The following SDK1 variants were observed in gnomAD, a reference collection of about 807,000 sequenced individuals.
The protein encoded by SDK1 is protein sidekick-1.
In SDK1, 157 loss-of-function variants were observed where a neutral mutation model predicts 245.5. The ratio of observed to expected loss-of-function variants is 0.64; its 90% CI spans 0.56 to 0.73. The LOEUF (loss-of-function observed/expected upper bound fraction) is 0.73. Among genes scored for constraint, SDK1 ranks in the 30% least tolerant of loss-of-function variants. SDK1 has a pLI of 0.00. For synonymous variants in SDK1, 1,647 were observed against 1,278.5 expected (o/e 1.29, Z -6.15); for missense variants, 3,583 against 3,002.3 (o/e 1.19, Z -4.52).
At chr7:3,586,734 C>T (rs922493934) in intron 1 of SDK1, among the ~76,000 whole-genome samples, 5 of 150,456 alleles carry the variant, frequency 3.3e-5, no homozygotes, top group Non-Finnish European at 7.4e-5. Flanking sequence ...AAATAGAGGA[C>T]AGAAGCAATT....
Position 4,137,017 on chromosome 7 carries a change from G to A in SDK1, c.4228+4594G>A, listed in dbSNP as rs548655723. On this transcript the variant is annotated intron_variant, in intron 28 of 44. Coordinates refer to ENST00000404826, the MANE Select transcript of SDK1 (RefSeq NM_152744.4). The stretch of plus-strand genomic sequence containing the variant: ...AACAGCAGCTGCAGAGAGATCGGCA[G>A]CACGTGCCCCAGATGGTCGTGCTTT... Among the ~76,000 whole-genome samples, 12 of 152,354 alleles carry A rather than the reference G, an allele frequency of 7.9e-5. No homozygotes were observed. The East Asian group carries it at 2.1e-3, about 27-fold the overall frequency.
intron 1 of SDK1, among the ~76,000 whole-genome samples, chr7:3,416,147 G>C (rs80158101): frequency 1.6e-3 from 248 of 152,266 alleles, no homozygotes; most frequent in Middle Eastern, 6.8e-3. Context: ...TCATTGTCAA[G>C]GTAATGATTA....
chr7:3,647,878 GA>G (rs1205274001), intron 4 of SDK1, among the ~76,000 whole-genome samples: 2 of 151,922 alleles, frequency 1.3e-5, no homozygotes, highest in African/African-American at 2.4e-5. Flanking sequence ...AGCAGAAGGG[GA>G]AAAAAAATGA....
In SDK1 at chr7:3,471,367, T is replaced by C. The variant is rs1220126159; in HGVS notation, c.299-147713T>C. Reference sequence around the variant, plus strand: ...TTGTCAGTAAGTGGTATTAGGAATCTAGATTATTTTTATTAGAACTTATTT... The same window carrying C: ...TTGTCAGTAAGTGGTATTAGGAATCCAGATTATTTTTATTAGAACTTATTT... On this transcript the variant is annotated intron_variant, in intron 1 of 44. Coordinates refer to ENST00000404826, the MANE Select transcript of SDK1 (RefSeq NM_152744.4). Among the ~76,000 whole-genome samples, 3 of 152,284 alleles carry C rather than the reference T, an allele frequency of 2.0e-5. No homozygotes were observed. The East Asian group carries it at 5.8e-4, about 29-fold the overall frequency.
chr7:3,465,571 T>C (rs77149145), intron 1 of SDK1, among the ~76,000 whole-genome samples: 1 of 152,164 alleles, frequency 6.6e-6, no homozygotes, highest in Non-Finnish European at 1.5e-5. Context: ...TAGGTTCATA[T>C]ACTGTTGGGT....
intron 22 of SDK1, among the ~76,000 whole-genome samples, chr7:4,088,646 G>C (rs541512290): frequency 1.3e-5 from 2 of 151,774 alleles, no homozygotes; most frequent in Non-Finnish European, 2.9e-5. Context: ...GATTTCATCT[G>C]TTGGTAAGGT....
intron 22 of SDK1, among the ~76,000 whole-genome samples, chr7:4,090,963 G>C (rs1020064043): frequency 1.5e-4 from 23 of 152,046 alleles, no homozygotes; most frequent in African/African-American, 5.3e-4. Context: ...TTTTTTTGCT[G>C]AATTCCACTC....
At chr7:4,164,851 T>A (rs1781398906) in intron 32 of SDK1, among the ~76,000 whole-genome samples, 1 of 152,170 alleles carries the variant, frequency 6.6e-6, no homozygotes, top group African/African-American at 2.4e-5. Flanking sequence ...ACAAACTAAT[T>A]GCAAGAAGAC....
chr7:4,188,355 G>C (rs1338773321), intron 35 of SDK1, among the ~76,000 whole-genome samples: 2 of 152,108 alleles, frequency 1.3e-5, no homozygotes, highest in African/African-American at 4.8e-5. Context: ...TTTTGTTTAG[G>C]TTTGCAGAAC....
At chr7:3,431,363 T>G (rs1174856666) in intron 1 of SDK1, among the ~76,000 whole-genome samples, 1 of 149,814 alleles carries the variant, frequency 6.7e-6, no homozygotes, top group Admixed American at 6.6e-5. Context: ...GGGAGGTTTT[T>G]TTTTTTTTTT....
At chr7:3,440,439 T>C (rs1461186874) in intron 1 of SDK1, among the ~76,000 whole-genome samples, 2 of 150,016 alleles carry the variant, frequency 1.3e-5, no homozygotes, top group African/African-American at 4.9e-5. Context: ...TTCTGGAAAC[T>C]TGGGGTACAT....
chr7:3,908,158 G>A (rs890949273), intron 5 of SDK1, among the ~76,000 whole-genome samples: 4 of 152,186 alleles, frequency 2.6e-5, no homozygotes, highest in African/African-American at 4.8e-5. Context: ...GTAACGTGCT[G>A]AGGGCTGCGG....
At chr7:3,369,562 C>T (rs1426257121) in intron 1 of SDK1, among the ~76,000 whole-genome samples, 1 of 152,184 alleles carries the variant, frequency 6.6e-6, no homozygotes, top group Non-Finnish European at 1.5e-5. Flanking sequence ...TATAGAGCAG[C>T]TTCCTGAAAT....
At chr7:3,841,633 C>T (rs1291636899) in intron 5 of SDK1, among the ~76,000 whole-genome samples, 1 of 151,658 alleles carries the variant, frequency 6.6e-6, no homozygotes, top group Non-Finnish European at 1.5e-5. Context: ...GTGGCGCAAT[C>T]TCGGCTCACT....
chr7:3,577,838 A>G (rs905913302), intron 1 of SDK1, among the ~76,000 whole-genome samples: 4 of 152,046 alleles, frequency 2.6e-5, no homozygotes, highest in African/African-American at 9.6e-5. Flanking sequence ...TAACTTCCTC[A>G]TCTCCTGCAT....
chr7:3,607,616 T>G (rs147569167), intron 1 of SDK1, among the ~76,000 whole-genome samples: 87 of 152,368 alleles, frequency 5.7e-4, no homozygotes, highest in African/African-American at 2.0e-3. Flanking sequence ...TAATTGAAAG[T>G]ATGAATGCTT....
intron 1 of SDK1, among the ~76,000 whole-genome samples, chr7:3,419,209 G>A (rs1779466799): frequency 6.6e-6 from 1 of 152,194 alleles, no homozygotes; most frequent in African/African-American, 2.4e-5. Flanking sequence ...TACAGAGGAG[G>A]AACCTGAAGC....
chr7:3,701,172 G>C (rs1583320905), intron 4 of SDK1, among the ~76,000 whole-genome samples: 1 of 152,166 alleles, frequency 6.6e-6, no homozygotes, highest in African/African-American at 2.4e-5. Context: ...CGTGGAAATT[G>C]ACAGAGAATA....
chr7:4,002,959 T>G (rs1785184215), intron 14 of SDK1, among the ~76,000 whole-genome samples: 1 of 152,246 alleles, frequency 6.6e-6, no homozygotes, highest in Non-Finnish European at 1.5e-5. Context: ...CACTGGGCAG[T>G]GCTGTTTGCA....
Sources: gnomAD v4.1 joint callset for allele counts (sites outside exome capture counted in the v4.1 genomes callset) on GRCh38, gnomAD v4.1.1 for gene constraint, MANE v1.5 for transcripts, NCBI Gene and HGNC (gene_info 2026-07-23, HGNC 2026-07-21) for gene names.